JARID2: variants seen among roughly 807,000 people sequenced by gnomAD.
JARID2 encodes the protein protein Jumonji.
Under a neutral mutation model 125.6 loss-of-function variants are expected in JARID2, and 21 were observed. The observed-to-expected ratio is 0.17, with a 90% confidence interval of 0.12 to 0.24. JARID2 has a LOEUF of 0.24. JARID2 is among the 10% of genes least tolerant of loss of function. JARID2 has a pLI of 1.00. For missense variants in JARID2, 1,303 were observed against 1,639.6 expected, an observed-to-expected ratio of 0.79 and a Z score of 3.55; for synonymous variants, 736 against 661.6, an observed-to-expected ratio of 1.11 and a Z score of -1.73.
In JARID2 at chr6:15,442,112, A is replaced by G. The variant is rs569628819; in HGVS notation, c.324-9894A>G. 1.1e-4 allele frequency among the ~76,000 whole-genome samples: 16 copies of G among 148,372 alleles called. No homozygotes were observed. In the East Asian group the frequency reaches 2.3e-3, roughly 22 times the overall value. On this transcript the variant is annotated intron_variant, in intron 3 of 17. Transcript: ENST00000341776. Reference sequence around the variant, plus strand: ...TTCTTATATTTCTCTTGCATTTTGAAAAAAAAAAAAGGAAGTAAAACAGGA... The same window carrying G: ...TTCTTATATTTCTCTTGCATTTTGAGAAAAAAAAAAGGAAGTAAAACAGGA...
At chr6:15,268,294 G>T (rs1211332606) in intron 1 of JARID2, among the ~76,000 whole-genome samples, 1 of 152,192 alleles carries the variant, frequency 6.6e-6, no homozygotes, top group Non-Finnish European at 1.5e-5. Context: ...TCTTGCTGCT[G>T]CTAATAGAAA....
intron 1 of JARID2, among the ~76,000 whole-genome samples, chr6:15,366,000 A>T (rs1763959504): frequency 6.6e-6 from 1 of 152,190 alleles, no homozygotes; most frequent in Admixed American, 6.5e-5. Context: ...TATTTTAGAC[A>T]AAGTTGAAGT....
At chr6:15,458,993 A>G (rs1474080206) in intron 4 of JARID2, among the ~76,000 whole-genome samples, 2 of 152,250 alleles carry the variant, frequency 1.3e-5, no homozygotes, top group Non-Finnish European at 1.5e-5. Flanking sequence ...TGTTACTGGC[A>G]GCTCTGCAGA....
chr6:15,467,859 A>C (rs1381998733), intron 4 of JARID2, among the ~76,000 whole-genome samples: 1 of 152,110 alleles, frequency 6.6e-6, no homozygotes, highest in Non-Finnish European at 1.5e-5. Flanking sequence ...TAAAATCCGG[A>C]ATGAGAACCT....
chr6:15,493,379 C>G (rs1390396845), intron 6 of JARID2, among the ~76,000 whole-genome samples: 1 of 152,198 alleles, frequency 6.6e-6, no homozygotes, highest in African/African-American at 2.4e-5. Flanking sequence ...AAACACTGAA[C>G]TAAACCTCAG....
rs559156861 is a variant in JARID2 at position 15,258,595 on chromosome 6, A to G, written c.45+12011A>G. Among the ~76,000 whole-genome samples the G allele has an allele frequency of 2.6e-5, 4 of 152,330 alleles. No individual in the cohort carries two copies. In the East Asian group the frequency reaches 5.8e-4, roughly 22 times the overall value. On this transcript the variant is annotated intron_variant, in intron 1 of 17. Transcript: ENST00000341776. ...TCAGGAGTTTGAGGCCAGCCTGACT[A>G]ACATGGTGAAAACCTGTCTCTACTG...
intron 8 of JARID2, 96 bp from the exon 9 acceptor site, chr6:15,504,404 C>T (rs894197938): frequency 3.4e-5 from 29 of 856,586 alleles, no homozygotes; most frequent in Admixed American, 5.3e-5. Flanking sequence ...GCCGCAGGGA[C>T]GCCAAGGGGC....
intron 1 of JARID2, among the ~76,000 whole-genome samples, chr6:15,321,994 T>C (rs545560248): frequency 2.0e-5 from 3 of 152,150 alleles, no homozygotes; most frequent in Admixed American, 1.3e-4. Flanking sequence ...GGTTTCACCA[T>C]GTTGGCCAGG....
intron 1 of JARID2, among the ~76,000 whole-genome samples, chr6:15,269,300 G>C (rs1023050806): frequency 1.3e-5 from 2 of 152,090 alleles, no homozygotes; most frequent in African/African-American, 4.8e-5. Context: ...AGAAGTTTCT[G>C]ACTCGATAAC....
intron 5 of JARID2, among the ~76,000 whole-genome samples, chr6:15,479,789 G>T (rs960620622): frequency 6.6e-6 from 1 of 152,208 alleles, no homozygotes; most frequent in Non-Finnish European, 1.5e-5. Flanking sequence ...GCTCACCTAA[G>T]CTGTGTTCTT....
intron 5 of JARID2, 85 bp downstream of exon 5, chr6:15,468,803 G>A: frequency 3.6e-6 from 5 of 1,371,282 alleles, no homozygotes; most frequent in Non-Finnish European, 5.0e-6. Flanking sequence ...GAAGAGATGA[G>A]ATGAAGGCAA....
intron 4 of JARID2, among the ~76,000 whole-genome samples, chr6:15,456,897 T>TA (rs1768204216): frequency 6.6e-6 from 1 of 150,450 alleles, no homozygotes; most frequent in Non-Finnish European, 1.5e-5. Context: ...TTTTTTTTTT[T>TA]TACAATCATA....
chr6:15,338,229 A>G (rs201594809), intron 1 of JARID2, among the ~76,000 whole-genome samples: 1 of 152,184 alleles, frequency 6.6e-6, no homozygotes, highest in Non-Finnish European at 1.5e-5. Context: ...TTTCGCTGAA[A>G]GAAGGAAGGG....
intron 5 of JARID2, among the ~76,000 whole-genome samples, chr6:15,470,717 CAG>C (rs146159963): frequency 0.66 from 100,869 of 151,754 alleles, 33,704 homozygotes; most frequent in East Asian, 0.8. Flanking sequence ...CTGTGGTCAT[CAG>C]GGCATCTGGG....
At chr6:15,282,893 G>A (rs1760812835) in intron 1 of JARID2, among the ~76,000 whole-genome samples, 3 of 152,046 alleles carry the variant, frequency 2.0e-5, no homozygotes, top group Admixed American at 6.6e-5. Flanking sequence ...GAGCCACCCC[G>A]CCCGGTCTGA....
rs549981686 is a variant in JARID2 at position 15,466,743 on chromosome 6, A to G, written c.494-1799A>G. Among the ~76,000 whole-genome samples the G allele has an allele frequency of 9.2e-5, 14 of 152,324 alleles. No individual in the cohort carries two copies. In the South Asian group the frequency reaches 2.9e-3, roughly 32 times the overall value. ...TGTTTTCCTTGTCAGTCTTGTACCA[A>G]TTGTAAAACCATTTAGATTGAGTAT... is the stretch of plus-strand genomic sequence containing the variant. On this transcript the variant is annotated intron_variant, in intron 4 of 17. Transcript: ENST00000341776.
At chr6:15,344,033 C>T (rs902376476) in intron 1 of JARID2, among the ~76,000 whole-genome samples, 5 of 148,628 alleles carry the variant, frequency 3.4e-5, no homozygotes, top group Non-Finnish European at 5.9e-5. Context: ...ACAGACAGGG[C>T]GTTGAATGCA....
intron 5 of JARID2, among the ~76,000 whole-genome samples, chr6:15,473,232 A>G (rs1769161297): frequency 6.6e-6 from 1 of 152,218 alleles, no homozygotes; most frequent in Non-Finnish European, 1.5e-5. Context: ...CCTAAATCAA[A>G]TAAGATTAAC....
chr6:15,415,945 G>C (rs1401701977), intron 3 of JARID2, among the ~76,000 whole-genome samples: 2 of 151,572 alleles, frequency 1.3e-5, no homozygotes, highest in Non-Finnish European at 2.9e-5. Context: ...GTGGCTGCCG[G>C]GCGGAGGGTC....
Sources: allele counts gnomAD v4.1 joint callset (sites outside exome capture counted in the v4.1 genomes callset), GRCh38; gene constraint gnomAD v4.1.1; transcripts MANE v1.5; gene names NCBI Gene and HGNC (gene_info 2026-07-23, HGNC 2026-07-21).